The following IRX4 variants were observed in gnomAD, a reference collection of about 807,000 sequenced individuals.
IRX4 encodes the protein iroquois-class homeodomain protein IRX-4.
In IRX4, 22 loss-of-function variants were observed where a neutral mutation model predicts 32.0. That is an observed-to-expected ratio of 0.69 (90% CI 0.49 to 0.98). The LOEUF (loss-of-function observed/expected upper bound fraction) is 0.98, where lower values mean the gene tolerates loss of function less well. Among genes scored for constraint, IRX4 ranks in the 50% least tolerant of loss-of-function variants. IRX4 has a pLI of 0.00. For synonymous variants in IRX4, 379 were observed against 351.7 expected (o/e 1.08, Z -0.87); for missense variants, 840 against 744.2 (o/e 1.13, Z -1.50).
intron 3 of IRX4, among the ~76,000 whole-genome samples, chr5:1,880,422 C>G (rs1297077553): frequency 1.3e-5 from 2 of 152,198 alleles, no homozygotes; most frequent in East Asian, 3.9e-4. Flanking sequence ...GAGCGGGCTG[C>G]CCCGTGAACT....
Position 1,877,885 on chromosome 5 carries a change from A to T in IRX4, c.*84T>A. ...TTGGCGGCTTCGCGGTGGCCGCGCT[A>T]GTCTTCCTCTGGAAACTCAGTGAAA... On this transcript the variant is annotated 3_prime_UTR_variant, in exon 5 of 5. Transcript: ENST00000231357. The T allele has an allele frequency of 7.9e-7, 1 of 1,270,132 alleles. No homozygotes were observed. Among genetic ancestry groups the T allele is most frequent in the Non-Finnish European group, 1.1e-6 (1 of 927,526 alleles). 78.7% of individuals were successfully genotyped at this position (1,270,132 alleles called of 1,614,324 possible).
chr5:1,877,948 T>TG lies in IRX4; in HGVS notation c.*20dup. On this transcript the variant is annotated 3_prime_UTR_variant, in exon 5 of 5. Transcript: ENST00000231357. ...GTCCGCCTGAGCGCGGGTTCCCTCCTGGGCTCGGGACCCGCCCGCCTCAGG... is the reference window on the plus strand; with the variant it reads ...GTCCGCCTGAGCGCGGGTTCCCTCCTGGGGCTCGGGACCCGCCCGCCTCAGG... 6.7e-7 allele frequency: 1 copy of TG among 1,493,840 alleles called. No individual in the cohort carries two copies. The highest frequency in any genetic ancestry group is 2.6e-5 in the East Asian group (1 of 38,510). The allele number at this position is 1,493,840 out of a possible 1,614,324, so 92.5% of individuals were successfully genotyped here.
In IRX4 at chr5:1,878,053, G is replaced by A; in HGVS notation, c.1476C>T (p.Ala492=). The A allele has an allele frequency of 6.6e-7, 1 of 1,512,604 alleles. No individual in the cohort carries two copies. The highest frequency in any genetic ancestry group is 8.8e-7 in the Non-Finnish European group (1 of 1,135,550). The allele number at this position is 1,512,604 out of a possible 1,614,324, so 93.7% of individuals were successfully genotyped here. Residue 492 remains alanine, a synonymous_variant, in exon 5 of 5, where the codon GCC becomes GCT. Coordinates refer to ENST00000231357, the MANE Select transcript of IRX4 (RefSeq NM_016358.3). ...CTGCAGCTGGGGCGTCCTGGGGCAC[G>A]GCAGGCGGAAAGGCGCGGGCCAGGG... ...TAPLARAFPP[A]VPQDAPAAGA...
At chr5:1,882,178 C>T in intron 1 of IRX4, 119 bp from the exon 2 acceptor site, 1 of 1,218,086 alleles carries the variant, frequency 8.2e-7, no homozygotes, top group South Asian at 1.6e-5. Flanking sequence ...GGCCTCCCGC[C>T]GTCCACACCA....
Position 1,877,788 on chromosome 5 carries a change from G to T in IRX4, c.*181C>A. ...TCAGGCTCAGGCCCAGGCGGTGGAG[G>T]CCCCGGCGTGGCAGCGCCGGGCTTG... On this transcript the variant is annotated 3_prime_UTR_variant, in exon 5 of 5. Coordinates refer to ENST00000231357, the MANE Select transcript of IRX4 (RefSeq NM_016358.3). The T allele has an allele frequency of 1.7e-6, 1 of 605,814 alleles. No individual in the cohort carries two copies. The highest frequency in any genetic ancestry group is 2.2e-5 in the South Asian group (1 of 44,816). 37.5% of individuals were successfully genotyped at this position (605,814 alleles called of 1,614,324 possible).
chr5:1,878,368 C>T lies in IRX4; in HGVS notation c.1161G>A (p.Gln387=). ...AAAAAATSLS[Q]TEFPSCMLKR... is the part of the protein sequence containing the mutation. ...TGAGCATGCACGACGGAAACTCAGT[C>T]TGGCTCAGGGAGGTGGCGGCGGCGG... is the stretch of plus-strand genomic sequence containing the variant. Residue 387 remains glutamine, a synonymous_variant, in exon 5 of 5, where the codon CAG becomes CAA. Coordinates refer to ENST00000231357, the MANE Select transcript of IRX4 (RefSeq NM_016358.3). 2 of 1,536,702 alleles carry T rather than the reference C, an allele frequency of 1.3e-6. No individual in the cohort carries two copies. Among genetic ancestry groups the T allele is most frequent in the Non-Finnish European group, 1.7e-6 (2 of 1,144,060 alleles).
Position 1,879,503 on chromosome 5 carries a change from C to T in IRX4, c.736+1G>A. Reference sequence around the variant, plus strand: ...CCCCCAGTGACAACCTCCCAACCCACCTGCGTTCTTGGAGCTCTTGAGGGG... The same window carrying T: ...CCCCCAGTGACAACCTCCCAACCCATCTGCGTTCTTGGAGCTCTTGAGGGG... On this transcript the variant is annotated splice_donor_variant, in intron 4 of 4. Transcript: ENST00000231357. LOFTEE classifies it high-confidence loss of function. 2 of 1,613,120 alleles carry T rather than the reference C, an allele frequency of 1.2e-6. No homozygotes were observed. Among genetic ancestry groups the T allele is most frequent in the Non-Finnish European group, 1.7e-6 (2 of 1,180,038 alleles).
chr5:1,878,879 T>C (rs1047676823), intron 4 of IRX4, 87 bp from the exon 5 acceptor site: 119 of 1,355,408 alleles, frequency 8.8e-5, no homozygotes, highest in Non-Finnish European at 7.5e-5. Context: ...ATGAGGCCTG[T>C]TCCCGACGCT....
intron 3 of IRX4, 128 bp from the exon 4 acceptor site, chr5:1,879,960 A>G (rs1194916833): frequency 2.0e-6 from 3 of 1,512,574 alleles, no homozygotes; most frequent in Non-Finnish European, 2.7e-6. Context: ...GGTTGTGGTC[A>G]TGGTCATAAG....
Position 1,879,844 on chromosome 5 carries a change from C to T in IRX4, c.408-12G>A. 1 of 1,613,324 alleles carries T rather than the reference C, an allele frequency of 6.2e-7. No individual in the cohort carries two copies. The highest frequency in any genetic ancestry group is 8.5e-7 in the Non-Finnish European group (1 of 1,179,986). ...CCATGGTTCCATACCTGGAGACAGGCTCTGCAATGGGCTCAGGCTGGGCCC... is the reference window on the plus strand; with the variant it reads ...CCATGGTTCCATACCTGGAGACAGGTTCTGCAATGGGCTCAGGCTGGGCCC... On this transcript the variant is annotated splice_polypyrimidine_tract_variant and intron_variant, in intron 3 of 4. Coordinates refer to ENST00000231357, the MANE Select transcript of IRX4 (RefSeq NM_016358.3).
At position 1,878,881 on chromosome 5, in the gene IRX4, C is replaced by T. The variant is rs1032790138; in HGVS notation, c.737-89G>A. 5 of 1,388,228 alleles carry T rather than the reference C, an allele frequency of 3.6e-6. No individual in the cohort carries two copies. In the African/African-American group the frequency reaches 7.1e-5, roughly 20 times the overall value. The allele number at this position is 1,388,228 out of a possible 1,614,324, so 86.0% of individuals were successfully genotyped here. The stretch of plus-strand genomic sequence containing the variant: ...CCCGTCCACCATTATGAGGCCTGTT[C>T]CCGACGCTACGAAAAGCACTCGGGG... On this transcript the variant is annotated intron_variant, in intron 4 of 4. Transcript: ENST00000231357.
upstream of IRX4, chr5:1,884,393 A>C (rs949348989): frequency 1.2e-4 from 18 of 152,292 alleles, no homozygotes; most frequent in Admixed American, 9.2e-4. Flanking sequence ...TGCTCTTTTG[A>C]CAGCTCGGTT....
At chr5:1,884,829 T>G (rs1404742084), upstream of IRX4, among the ~76,000 whole-genome samples, 2 of 136,682 alleles carry the variant, frequency 1.5e-5, no homozygotes, top group Non-Finnish European at 3.1e-5. Flanking sequence ...CCACCCTCCT[T>G]CCTCCCCTCT....
Position 1,878,025 on chromosome 5 carries a change from C to G in IRX4, c.1504G>C (p.Ala502Pro), listed in dbSNP as rs909982802. The change falls in exon 5 of 5, where the codon GCC (alanine) becomes CCC (proline). Residue 502 changes from alanine to proline, a missense_variant. Physicochemically the swap from Ala to Pro is conservative, Grantham distance 27. Around this residue, in one of 3 missense-constraint regions of IRX4, gnomAD observed 585 missense variants for 488.0 expected, o/e 1.20. Coordinates refer to ENST00000231357, the MANE Select transcript of IRX4 (RefSeq NM_016358.3). ...AVPQDAPAAG[A>P]ARELLALPKA... The stretch of plus-strand genomic sequence containing the variant: ...GGCAGGGCGAGCAGCTCCCTGGCGG[C>G]GCCTGCAGCTGGGGCGTCCTGGGGC... The G allele has an allele frequency of 2.0e-6, 3 of 1,506,744 alleles. No individual in the cohort carries two copies. Among genetic ancestry groups the G allele is most frequent in the African/African-American group, 2.9e-5 (2 of 69,920 alleles). 93.3% of individuals were successfully genotyped at this position (1,506,744 alleles called of 1,614,324 possible). A position where few individuals can be genotyped will look rare whatever the true frequency, so the allele number is the denominator to read the frequency against.
chr5:1,881,927 C>A lies in IRX4; in HGVS notation c.178G>T (p.Ala60Ser). The A allele has an allele frequency of 6.3e-7, 1 of 1,578,486 alleles. No individual in the cohort carries two copies. The highest frequency in any genetic ancestry group is 2.4e-5 in the East Asian group (1 of 42,324). Residue 60 changes from alanine (A) to serine (S), a missense_variant, in exon 2 of 5, where the codon GCG (alanine) becomes TCG (serine). Transcript: ENST00000231357. ...GCGGCCGAGTTGAGCTCGTGGCGCGCGGTGGCCAGCAGCCGGCTCTCGTAG... is the reference window on the plus strand; with the variant it reads ...GCGGCCGAGTTGAGCTCGTGGCGCGAGGTGGCCAGCAGCCGGCTCTCGTAG... ...PVYESRLLAT[A>S]RHELNSAAAL...
rs577967765 is a variant in IRX4, at chr5:1,879,887, A to G, written c.408-55T>C. ...CTGGGCCCTCTGGGCCCCAGGCATC[A>G]TGGGCATAGGGGTGGGGGTCGGCCA... On this transcript the variant is annotated intron_variant, in intron 3 of 4. Coordinates refer to ENST00000231357, the MANE Select transcript of IRX4 (RefSeq NM_016358.3). 40 of 1,605,202 alleles carry G rather than the reference A, an allele frequency of 2.5e-5. No individual in the cohort carries two copies. In the African/African-American group the frequency reaches 5.1e-4, roughly 20 times the overall value.
intron 1 of IRX4, 62 bp downstream of exon 1, chr5:1,882,541 T>TGCCCCCCCCCC: frequency 7.2e-7 from 1 of 1,388,204 alleles, no homozygotes; most frequent in Non-Finnish European, 9.8e-7. Flanking sequence ...CCACCCCCCG[T>TGCCCCCCCCCC]CCCCGCCCCA....
intron 2 of IRX4, 150 bp from the exon 3 acceptor site, chr5:1,880,984 T>G (rs946526157): frequency 1.7e-6 from 1 of 597,908 alleles, no homozygotes; most frequent in Non-Finnish European, 3.0e-6. Context: ...CCCGCTTGCT[T>G]TAAAACCTGG....
upstream of IRX4, among the ~76,000 whole-genome samples, chr5:1,883,480 G>A (rs1735526498): frequency 6.6e-6 from 1 of 152,134 alleles, no homozygotes; most frequent in Admixed American, 6.5e-5. Context: ...ACCCTACGCC[G>A]GAATGGACTT....
Sources: gnomAD v4.1 joint callset for allele counts (sites outside exome capture counted in the v4.1 genomes callset) on GRCh38, gnomAD v4.1.1 for gene constraint, gnomAD v4.1.1 regional missense constraint, MANE v1.5 for transcripts, NCBI Gene and HGNC (gene_info 2026-07-23, HGNC 2026-07-21) for gene names.